GALNT17: variants seen among roughly 807,000 people sequenced by gnomAD.
GALNT17 encodes the protein UDP-GalNAc:polypeptide N-acetylgalactosaminyltransferase-like 3.
In GALNT17, 29 loss-of-function variants were observed where a neutral mutation model predicts 63.7. The observed-to-expected ratio is 0.46, with a 90% confidence interval of 0.34 to 0.62. The LOEUF is 0.62. Among genes scored for constraint, GALNT17 ranks in the 20% least tolerant of loss-of-function variants. GALNT17 has a pLI of 0.01. For synonymous variants in GALNT17, 305 were observed against 318.3 expected, an observed-to-expected ratio of 0.96 and a Z score of 0.45; for missense variants, 603 against 799.6, an observed-to-expected ratio of 0.75 and a Z score of 2.97.
chr7:71,661,459 T>G (rs1240010970), intron 6 of GALNT17, among the ~76,000 whole-genome samples: 2 of 151,532 alleles, frequency 1.3e-5, no homozygotes, highest in Non-Finnish European at 2.9e-5. Context: ...AAGTGGAGAG[T>G]AGAGGAGAGA....
intron 5 of GALNT17, among the ~76,000 whole-genome samples, chr7:71,520,480 G>A (rs984352196): frequency 3.3e-5 from 5 of 151,796 alleles, no homozygotes; most frequent in East Asian, 1.9e-4. Context: ...CTGAGATCGC[G>A]CCACTGCACT....
intron 5 of GALNT17, among the ~76,000 whole-genome samples, chr7:71,539,659 A>G (rs184819747): frequency 3.3e-5 from 5 of 149,480 alleles, no homozygotes. Flanking sequence ...CACTAAATGC[A>G]TCAGAGACAC....
At chr7:71,231,648 T>A (rs1789790051) in intron 1 of GALNT17, among the ~76,000 whole-genome samples, 1 of 151,114 alleles carries the variant, frequency 6.6e-6, no homozygotes, top group African/African-American at 2.4e-5. Flanking sequence ...GTTGGTTACC[T>A]TCTCATTGTG....
intron 6 of GALNT17, among the ~76,000 whole-genome samples, chr7:71,618,715 T>C (rs533100131): frequency 2.0e-5 from 3 of 152,198 alleles, no homozygotes; most frequent in Non-Finnish European, 4.4e-5. Flanking sequence ...TTTTAGGCCT[T>C]TGCTGGATAT....
intron 5 of GALNT17, among the ~76,000 whole-genome samples, chr7:71,511,132 T>G (rs1563145824): frequency 6.6e-6 from 1 of 152,046 alleles, no homozygotes; most frequent in South Asian, 2.1e-4. Context: ...CCGTGAGCCA[T>G]GATCATGCAC....
At chr7:71,502,278 C>CT (rs1788192626) in intron 5 of GALNT17, among the ~76,000 whole-genome samples, 1 of 152,212 alleles carries the variant, frequency 6.6e-6, no homozygotes, top group South Asian at 2.1e-4. Context: ...TATATCCCAT[C>CT]TTTCACAGTC....
intron 1 of GALNT17, among the ~76,000 whole-genome samples, chr7:71,278,027 A>C (rs2115735762): frequency 6.6e-6 from 1 of 152,250 alleles, no homozygotes; most frequent in Non-Finnish European, 1.5e-5. Context: ...ACTTAAGAGG[A>C]GGTCAAGCTA....
At chr7:71,475,360 T>C (rs572155991) in intron 5 of GALNT17, among the ~76,000 whole-genome samples, 1 of 152,340 alleles carries the variant, frequency 6.6e-6, no homozygotes, top group South Asian at 2.1e-4. Context: ...GAGCTTGTTT[T>C]CCTGCAACTA....
intron 1 of GALNT17, among the ~76,000 whole-genome samples, chr7:71,293,415 C>T (rs547700719): frequency 6.6e-5 from 10 of 152,272 alleles, no homozygotes; most frequent in African/African-American, 2.4e-4. Context: ...GATAATATCT[C>T]ATACTGGTTT....
intron 1 of GALNT17, among the ~76,000 whole-genome samples, chr7:71,240,155 C>A (rs1444670115): frequency 5.9e-5 from 9 of 152,164 alleles, no homozygotes; most frequent in Admixed American, 5.9e-4. Context: ...TACTTCACAG[C>A]CTGGGGAGAA....
intron 2 of GALNT17, among the ~76,000 whole-genome samples, chr7:71,360,098 A>G: frequency 6.6e-6 from 1 of 152,236 alleles, no homozygotes; most frequent in East Asian, 1.9e-4. Flanking sequence ...GAACTGAAGT[A>G]TTAGGTTGCA....
At chr7:71,679,240 C>T (rs994557791) in intron 9 of GALNT17, among the ~76,000 whole-genome samples, 1 of 151,914 alleles carries the variant, frequency 6.6e-6, no homozygotes, top group Non-Finnish European at 1.5e-5. Context: ...ACAAGACCCC[C>T]GCCTCTACAA....
At chr7:71,683,049 C>G (rs564421270) in intron 9 of GALNT17, among the ~76,000 whole-genome samples, 1 of 152,020 alleles carries the variant, frequency 6.6e-6, no homozygotes, top group Non-Finnish European at 1.5e-5. Flanking sequence ...CACCTGCGTG[C>G]GGAACTTTTC....
intron 5 of GALNT17, among the ~76,000 whole-genome samples, chr7:71,470,617 G>T (rs1787612267): frequency 1.3e-5 from 2 of 152,106 alleles, no homozygotes; most frequent in Non-Finnish European, 2.9e-5. Flanking sequence ...CCTAGGCAGG[G>T]ATTTAAAATG....
chr7:71,378,407 G>T (rs1050311157), intron 2 of GALNT17, among the ~76,000 whole-genome samples: 9 of 152,140 alleles, frequency 5.9e-5, no homozygotes, highest in African/African-American at 1.9e-4. Flanking sequence ...CCTTGATGAG[G>T]AGGGAAGCAT....
At chr7:71,211,872 G>A (rs1789384159) in intron 1 of GALNT17, among the ~76,000 whole-genome samples, 1 of 152,198 alleles carries the variant, frequency 6.6e-6, no homozygotes, top group Non-Finnish European at 1.5e-5. Flanking sequence ...AAGCAGCAAA[G>A]CATTCAAGAC....
chr7:71,320,190 G>A (rs1442631722), intron 1 of GALNT17, among the ~76,000 whole-genome samples: 1 of 152,096 alleles, frequency 6.6e-6, no homozygotes, highest in Non-Finnish European at 1.5e-5. Context: ...TGCATGAGAA[G>A]AGGGCAGTCT....
intron 5 of GALNT17, among the ~76,000 whole-genome samples, chr7:71,570,359 C>G (rs1462520703): frequency 1.3e-5 from 2 of 152,120 alleles, no homozygotes; most frequent in Non-Finnish European, 2.9e-5. Flanking sequence ...AGTCTTCTCC[C>G]TTCTCTAAAG....
intron 1 of GALNT17, among the ~76,000 whole-genome samples, chr7:71,259,631 G>GTTTT (rs1164044325): frequency 1.9e-4 from 25 of 129,850 alleles, no homozygotes; most frequent in African/African-American, 3.1e-4. Flanking sequence ...GTCCTGTTTT[G>GTTTT]TTTTTTGTTT....
Sources: gnomAD v4.1 joint callset for allele counts (sites outside exome capture counted in the v4.1 genomes callset) on GRCh38, gnomAD v4.1.1 for gene constraint, MANE v1.5 for transcripts, NCBI Gene and HGNC (gene_info 2026-07-23, HGNC 2026-07-21) for gene names.